The following OSBPL8 variants were observed in gnomAD, a reference collection of about 807,000 sequenced individuals.
The protein encoded by OSBPL8 is oxysterol-binding protein-related protein 8.
Under a neutral mutation model 125.5 loss-of-function variants are expected in OSBPL8, and 59 were observed. That is an observed-to-expected ratio of 0.47 (90% CI 0.38 to 0.58). The LOEUF (loss-of-function observed/expected upper bound fraction) is 0.58, where lower values mean the gene tolerates loss of function less well. Among genes scored for constraint, OSBPL8 ranks in the 20% least tolerant of loss-of-function variants. OSBPL8 has a pLI of 0.00. For missense variants in OSBPL8, 758 were observed against 1,047.8 expected, an observed-to-expected ratio of 0.72 and a Z score of 3.82; for synonymous variants, 330 against 338.9, an observed-to-expected ratio of 0.97 and a Z score of 0.29.
At chr12:76,403,638 GTTTTAT>G (rs1164389286) in intron 5 of OSBPL8, among the ~76,000 whole-genome samples, 1 of 152,156 alleles carries the variant, frequency 6.6e-6, no homozygotes, top group African/African-American at 2.4e-5. Flanking sequence ...ATGTCCATAA[GTTTTAT>G]TTTTATCTAT....
intron 4 of OSBPL8, among the ~76,000 whole-genome samples, chr12:76,430,393 C>G (rs1200389194): frequency 6.6e-6 from 1 of 152,054 alleles, no homozygotes; most frequent in Non-Finnish European, 1.5e-5. Flanking sequence ...AGAAAAATGG[C>G]AAAAGGAGGT....
At chr12:76,356,162 T>TGGGGGGGTAGGGGGGGGGTTTTGGGGGGG (rs1951977503) in intron 23 of OSBPL8, 141 bp from the exon 24 acceptor site, 1 of 131,836 alleles carries the variant, frequency 7.6e-6, no homozygotes, top group African/African-American at 3.4e-5. Flanking sequence ...TATGTAGGGG[T>TGGGGGGGTAGGGGGGGGGTTTTGGGGGGG]GGGGGGGGGC....
At chr12:76,431,823 T>C (rs537153240) in intron 4 of OSBPL8, among the ~76,000 whole-genome samples, 1 of 152,288 alleles carries the variant, frequency 6.6e-6, no homozygotes, top group African/African-American at 2.4e-5. Flanking sequence ...CCACTTTTTT[T>C]TAGTGGATAG....
chr12:76,388,061 C>T (rs1953394383), intron 12 of OSBPL8, among the ~76,000 whole-genome samples: 2 of 152,088 alleles, frequency 1.3e-5, no homozygotes, highest in African/African-American at 4.8e-5. Context: ...GTACACCTTG[C>T]TTTTTTCACA....
intron 12 of OSBPL8, among the ~76,000 whole-genome samples, chr12:76,389,263 A>G (rs1953455330): frequency 6.6e-6 from 1 of 152,220 alleles, no homozygotes; most frequent in South Asian, 2.1e-4. Flanking sequence ...ACAGACAAGT[A>G]TGAGCAAACA....
At chr12:76,550,235 A>AT (rs201996481) in intron 1 of OSBPL8, among the ~76,000 whole-genome samples, 3,945 of 151,942 alleles carry the variant, frequency 0.026, 49 homozygotes, top group Admixed American at 0.039. Context: ...TCATATCCAA[A>AT]TTTTTTTTTA....
chr12:76,513,766 G>A (rs1229155757), intron 1 of OSBPL8, among the ~76,000 whole-genome samples: 10 of 124,508 alleles, frequency 8.0e-5, no homozygotes, highest in Admixed American at 2.5e-4. Context: ...TTTTTTTTCC[G>A]GTTTTCTGTT....
Position 76,553,681 on chromosome 12 carries a change from G to GA in OSBPL8, c.-68+5715dup, listed in dbSNP as rs746609478. Among the ~76,000 whole-genome samples, 2,149 of 116,818 alleles carry GA rather than the reference G, an allele frequency of 0.018. 242 individuals carry two copies. The East Asian group carries it at 0.33, about 18-fold the overall frequency. The allele number at this position is 116,818 out of a possible 152,430, so 76.6% of individuals were successfully genotyped here. On this transcript the variant is annotated intron_variant, in intron 1 of 23. Transcript: ENST00000261183. ...GACAGCTCAAGACCCTGTATCAGAA[G>GA]AAAAAAAAAAAAGGCCAGAGGAGGT...
intron 1 of OSBPL8, among the ~76,000 whole-genome samples, chr12:76,505,210 T>C (rs573067616): frequency 5.2e-4 from 79 of 152,302 alleles, no homozygotes; most frequent in Non-Finnish European, 3.4e-4. Context: ...GAAGAACCCA[T>C]TGGGCAATTA....
intron 1 of OSBPL8, among the ~76,000 whole-genome samples, chr12:76,488,682 T>C (rs1239236338): frequency 6.6e-6 from 1 of 152,168 alleles, no homozygotes; most frequent in African/African-American, 2.4e-5. Flanking sequence ...CTGATAAATG[T>C]AGGAGGTTTT....
At chr12:76,489,724 G>A (rs563569075) in intron 1 of OSBPL8, among the ~76,000 whole-genome samples, 1 of 152,148 alleles carries the variant, frequency 6.6e-6, no homozygotes, top group Admixed American at 6.6e-5. Flanking sequence ...CATCTCTAAC[G>A]CAACATCTAT....
chr12:76,556,225 A>C (rs756260686), intron 1 of OSBPL8, among the ~76,000 whole-genome samples: 3 of 152,188 alleles, frequency 2.0e-5, no homozygotes, highest in Non-Finnish European at 4.4e-5. Context: ...AAAACAGACA[A>C]GGTCCTTGCT....
chr12:76,431,574 GAA>G, intron 4 of OSBPL8, among the ~76,000 whole-genome samples: 1 of 152,200 alleles, frequency 6.6e-6, no homozygotes, highest in South Asian at 2.1e-4. Context: ...CAGTGGTGGA[GAA>G]AGATATTCTA....
At chr12:76,490,668 G>A (rs921692891) in intron 1 of OSBPL8, among the ~76,000 whole-genome samples, 1 of 152,034 alleles carries the variant, frequency 6.6e-6, no homozygotes, top group Admixed American at 6.5e-5. Context: ...TTTTTTCCTG[G>A]ACACTGGACA....
intron 19 of OSBPL8, among the ~76,000 whole-genome samples, chr12:76,371,027 C>T (rs1952600177): frequency 6.6e-6 from 1 of 152,088 alleles, no homozygotes; most frequent in Admixed American, 6.6e-5. Flanking sequence ...GAAGCCAGTC[C>T]ATCCAGTAAC....
chr12:76,557,107 AC>A (rs149640593), intron 1 of OSBPL8, among the ~76,000 whole-genome samples: 7,016 of 152,270 alleles, frequency 0.046, 578 homozygotes, highest in African/African-American at 0.16. Context: ...TCAATATAAT[AC>A]AAACATTACA....
At chr12:76,407,464 T>C (rs1954316131) in intron 5 of OSBPL8, among the ~76,000 whole-genome samples, 1 of 152,138 alleles carries the variant, frequency 6.6e-6, no homozygotes, top group Non-Finnish European at 1.5e-5. Context: ...TCCAGGCTGG[T>C]CTTAAACTCC....
chr12:76,533,409 T>C (rs1950404161), intron 1 of OSBPL8, among the ~76,000 whole-genome samples: 1 of 152,164 alleles, frequency 6.6e-6, no homozygotes, highest in Non-Finnish European at 1.5e-5. Flanking sequence ...TCTTACCCAC[T>C]ATCAAATGAA....
At chr12:76,368,308 A>G (rs866624531) in intron 21 of OSBPL8, among the ~76,000 whole-genome samples, 8 of 152,142 alleles carry the variant, frequency 5.3e-5, no homozygotes, top group Admixed American at 2.6e-4. Context: ...AGTGTATGTG[A>G]TAAGTTGTTT....
Sources: allele counts gnomAD v4.1 joint callset (sites outside exome capture counted in the v4.1 genomes callset), GRCh38; gene constraint gnomAD v4.1.1; transcripts MANE v1.5; gene names NCBI Gene and HGNC (gene_info 2026-07-23, HGNC 2026-07-21).